Variants in GANAB observed in about 807,000 individuals in gnomAD.
GANAB encodes glucosidase II alpha subunit, also known as neutral alpha-glucosidase AB.
In GANAB, 35 loss-of-function variants were observed where a neutral mutation model predicts 129.9. The ratio of observed to expected loss-of-function variants is 0.27; its 90% CI spans 0.21 to 0.36. The LOEUF (loss-of-function observed/expected upper bound fraction) is 0.36. Among genes scored for constraint, GANAB ranks in the 10% least tolerant of loss-of-function variants. The pLI is 1.00. For missense variants in GANAB, 939 were observed against 1,221.0 expected (o/e 0.77, Z 3.44); for synonymous variants, 482 against 451.8 (o/e 1.07, Z -0.85).
Position 62,627,243 on chromosome 11 carries a change from T to C in GANAB, c.2245+46A>G, listed in dbSNP as rs183266881. On this transcript the variant is annotated intron_variant, in intron 18 of 23. Coordinates refer to ENST00000356638, the MANE Select transcript of GANAB (RefSeq NM_198334.3). Reference sequence around the variant, plus strand: ...GTCCCTCCCTGGGCATCCGCAGTGCTGCTTGGCCCAAAGCCAACCCACCAC... The same window carrying C: ...GTCCCTCCCTGGGCATCCGCAGTGCCGCTTGGCCCAAAGCCAACCCACCAC... 236 of 1,417,342 alleles carry C rather than the reference T, an allele frequency of 1.7e-4. 2 individuals carry two copies. In the African/African-American group the frequency reaches 3.0e-3, roughly 18 times the overall value. The allele number at this position is 1,417,342 out of a possible 1,614,324, so 87.8% of individuals were successfully genotyped here. A position where few individuals can be genotyped will look rare whatever the true frequency, so the allele number is the denominator to read the frequency against.
In GANAB at chr11:62,642,382, C is replaced by T. The variant is rs550103081; in HGVS notation, c.39-2651G>A. 7.2e-4 allele frequency among the ~76,000 whole-genome samples: 110 copies of T among 152,028 alleles called. 1 individual carries two copies. The Middle Eastern group carries it at 0.02, about 28-fold the overall frequency. ...CTGCAGTTTTTAACAATATCAGTGA[C>T]CTGGTCTCACTTCTAAAAATTTTAA... On this transcript the variant is annotated intron_variant, in intron 1 of 23. Coordinates refer to ENST00000356638, the MANE Select transcript of GANAB (RefSeq NM_198334.3).
At chr11:62,638,604 A>G (rs369197718) in intron 4 of GANAB, among the ~76,000 whole-genome samples, 1 of 18,580 alleles carries the variant, frequency 5.4e-5, no homozygotes, top group Non-Finnish European at 5.2e-4. Context: ...GGAAGGAAGG[A>G]AGGAAGGAAG....
At chr11:62,626,309 C>T (rs760636927) in intron 22 of GANAB, 26 bp downstream of exon 22, 10 of 1,502,222 alleles carry the variant, frequency 6.7e-6, no homozygotes, top group Non-Finnish European at 9.3e-6. Context: ...GCAAAGGCAG[C>T]CAAGGAAGAG....
Position 62,631,070 on chromosome 11 carries a change from G to C in GANAB, c.1110C>G (p.Pro370=). Residue 370 remains proline (P), a synonymous_variant, in exon 10 of 24, where the codon CCC becomes CCG. Coordinates refer to ENST00000356638, the MANE Select transcript of GANAB (RefSeq NM_198334.3). ...GIIDVFLLLG[P]SISDVFRQYA... ...ATTGCCGGAAAACATCAGAGATGGA[G>C]GGCCCCAGCAGCAGGAAGACGTCAA... is the stretch of plus-strand genomic sequence containing the variant. 1 of 1,610,874 alleles carries C rather than the reference G, an allele frequency of 6.2e-7. No homozygotes were observed. The highest frequency in any genetic ancestry group is 8.5e-7 in the Non-Finnish European group (1 of 1,177,218).
intron 4 of GANAB, among the ~76,000 whole-genome samples, chr11:62,637,549 G>C (rs1943999291): frequency 6.6e-6 from 1 of 152,148 alleles, no homozygotes; most frequent in Admixed American, 6.5e-5. Flanking sequence ...CCCAAGCAAG[G>C]ATAACAGGAG....
chr11:62,626,036 C>A (rs202077418), intron 23 of GANAB, 29 bp downstream of exon 23: 1 of 1,560,272 alleles, frequency 6.4e-7, no homozygotes, highest in East Asian at 2.2e-5. Flanking sequence ...CCTCCTTCCC[C>A]CATCCTAGGG....
Position 62,633,110 on chromosome 11 carries a change from AAAAC to A in GANAB, c.719-13_719-10del. The stretch of plus-strand genomic sequence containing the variant: ...ACCCACAGACATGGGGCCTGGAAGA[AAAAC>A]AAACAAGCTTCAGAGCTTCTGCTTG... On this transcript the variant is annotated splice_polypyrimidine_tract_variant and intron_variant, in intron 7 of 23. Transcript: ENST00000356638. 1.9e-6 allele frequency: 3 copies of A among 1,609,334 alleles called. No individual in the cohort carries two copies. Among genetic ancestry groups the A allele is most frequent in the Admixed American group, 1.7e-5 (1 of 60,004 alleles).
intron 1 of GANAB, among the ~76,000 whole-genome samples, chr11:62,643,884 G>A (rs1481710571): frequency 6.6e-6 from 1 of 152,178 alleles, no homozygotes; most frequent in African/African-American, 2.4e-5. Flanking sequence ...TTCCACCTTG[G>A]CCTTCCAAAA....
chr11:62,634,362 C>T, intron 5 of GANAB: 2 of 1,610,946 alleles, frequency 1.2e-6, no homozygotes, highest in Non-Finnish European at 1.7e-6. Context: ...GTGAGATTAA[C>T]CTTATCCGAG....
At chr11:62,626,203 A>T in intron 22 of GANAB, 38 bp from the exon 23 acceptor site, 1 of 1,480,382 alleles carries the variant, frequency 6.8e-7, no homozygotes, top group Non-Finnish European at 9.5e-7. Flanking sequence ...CAGGGGGAAA[A>T]ATAACAGAAC....
At chr11:62,627,882 C>T (rs1227195463) in intron 17 of GANAB, among the ~76,000 whole-genome samples, 1 of 152,252 alleles carries the variant, frequency 6.6e-6, no homozygotes, top group Admixed American at 6.5e-5. Context: ...CTTCTCTGCC[C>T]TCTACTGAAA....
chr11:62,645,246 G>A (rs1236689420), intron 1 of GANAB, among the ~76,000 whole-genome samples: 4 of 152,128 alleles, frequency 2.6e-5, no homozygotes, highest in Non-Finnish European at 4.4e-5. Flanking sequence ...TAGAAGTACA[G>A]TGAGTTGAGG....
In GANAB at chr11:62,642,372, A is replaced by G. The variant is rs1031202536; in HGVS notation, c.39-2641T>C. 1.3e-4 allele frequency among the ~76,000 whole-genome samples: 19 copies of G among 151,826 alleles called. No homozygotes were observed. The East Asian group carries it at 2.9e-3, about 23-fold the overall frequency. On this transcript the variant is annotated intron_variant, in intron 1 of 23. Coordinates refer to ENST00000356638, the MANE Select transcript of GANAB (RefSeq NM_198334.3). ...CCCAGCCTGCCTGCAGTTTTTAACAATATCAGTGACCTGGTCTCACTTCTA... is the reference window on the plus strand; with the variant it reads ...CCCAGCCTGCCTGCAGTTTTTAACAGTATCAGTGACCTGGTCTCACTTCTA...
intron 4 of GANAB, among the ~76,000 whole-genome samples, chr11:62,636,148 G>A (rs932111350): frequency 9.2e-5 from 14 of 151,670 alleles, no homozygotes; most frequent in Admixed American, 2.6e-4. Context: ...CCACCACCAC[G>A]CCCGGCTAAG....
At chr11:62,641,648 T>A (rs1012684773) in intron 1 of GANAB, among the ~76,000 whole-genome samples, 1 of 152,058 alleles carries the variant, frequency 6.6e-6, no homozygotes, top group Non-Finnish European at 1.5e-5. Context: ...TGGCATGATC[T>A]CAGCTCACTG....
rs150315103 is a variant in GANAB, at chr11:62,628,794, G to A, written c.2155C>T (p.His719Tyr). ...PFWYTLLYQA[H>Y]REGIPVMRPL... ...CTCATGACAGGAATGCCTTCCCGAT[G>A]GGCCTGATATAAGAGGGTGTACCAG... is the stretch of plus-strand genomic sequence containing the variant. Residue 719 changes from histidine to tyrosine, a missense_variant, in exon 17 of 24, where the codon CAT becomes TAT. By Grantham distance (83) the His-to-Tyr change is moderately conservative. This residue lies in a region of GANAB where 147 missense variants were observed against 282.4 expected (regional missense o/e 0.52). Coordinates refer to ENST00000356638, the MANE Select transcript of GANAB (RefSeq NM_198334.3). 17 of 1,613,842 alleles carry A rather than the reference G, an allele frequency of 1.1e-5. No homozygotes were observed. The African/African-American group carries it at 1.9e-4, about 18-fold the overall frequency.
rs1260912051 is a variant in GANAB, at chr11:62,632,701, T to C, written c.860A>G (p.Tyr287Cys). The C allele has an allele frequency of 6.2e-7, 1 of 1,613,872 alleles. No individual in the cohort carries two copies. The highest frequency in any genetic ancestry group is 8.5e-7 in the Non-Finnish European group (1 of 1,179,954). ...YRLYNLDVFQ[Y>C]ELYNPMALYG... ...CAAGGCCATTGGGTTGTACAGCTCA[T>C]ACTGGAACACATCCAAATTGTAGAG... Residue 287 changes from tyrosine to cysteine, a missense_variant, in exon 9 of 24, where the codon TAT becomes TGT. By Grantham distance (194) the Tyr-to-Cys change is radical. Around this residue, in one of 5 missense-constraint regions of GANAB, gnomAD observed 21 missense variants for 53.7 expected, o/e 0.39. Transcript: ENST00000356638.
chr11:62,625,204 A>G lies in GANAB; in HGVS notation c.*611T>C. 5 of 454,682 alleles carry G rather than the reference A, an allele frequency of 1.1e-5. No homozygotes were observed. The highest frequency in any genetic ancestry group is 7.8e-5 in the South Asian group (5 of 64,486). 28.2% of individuals were successfully genotyped at this position (454,682 alleles called of 1,614,324 possible). Reference sequence around the variant, plus strand: ...CCCCTCTAAGAATTGCAGCAGCTCTACAAGGAATCGGGGAGAGGAAAAGGG... The same window carrying G: ...CCCCTCTAAGAATTGCAGCAGCTCTGCAAGGAATCGGGGAGAGGAAAAGGG... On this transcript the variant is annotated 3_prime_UTR_variant, in exon 24 of 24. Coordinates refer to ENST00000356638, the MANE Select transcript of GANAB (RefSeq NM_198334.3).
At position 62,625,605 on chromosome 11, in the gene GANAB, G is replaced by C; in HGVS notation, c.*210C>G. The C allele has an allele frequency of 1.7e-6, 1 of 580,790 alleles. No homozygotes were observed. Among genetic ancestry groups the C allele is most frequent in the Admixed American group, 3.0e-5 (1 of 33,652 alleles). 36.0% of individuals were successfully genotyped at this position (580,790 alleles called of 1,614,324 possible). On this transcript the variant is annotated 3_prime_UTR_variant, in exon 24 of 24. Coordinates refer to ENST00000356638, the MANE Select transcript of GANAB (RefSeq NM_198334.3). ...GTTGGGGGAATGAAGGGAAAGAGTT[G>C]GTATCAATGGAGTGGGAGAGGTGAG...
Sources: allele counts gnomAD v4.1 joint callset (sites outside exome capture counted in the v4.1 genomes callset), GRCh38; gene constraint gnomAD v4.1.1; regional missense constraint gnomAD v4.1.1; transcripts MANE v1.5; gene names NCBI Gene and HGNC (gene_info 2026-07-23, HGNC 2026-07-21).